The following THOC2 variants were observed in gnomAD, a reference collection of about 807,000 sequenced individuals.
THOC2 encodes the protein THO complex 2.
A neutral mutation model predicts 128.4 loss-of-function variants in THOC2; 10 were observed. The observed-to-expected ratio is 0.08, with a 90% confidence interval of 0.05 to 0.13. The LOEUF is 0.13. THOC2 is among the 10% of genes least tolerant of loss of function. The pLI is 1.00. For synonymous variants in THOC2, 393 were observed against 396.9 expected, an observed-to-expected ratio of 0.99 and a Z score of 0.12; for missense variants, 535 against 1,155.7, an observed-to-expected ratio of 0.46 and a Z score of 7.79.
rs199545735 is a variant in THOC2 at position 123,703,485 on chromosome X, G to A, written c.243C>T (p.Pro81=). ...SDISEFREDM[P]SILADVFCIL... ...TGCAGAATACATCAGCAAGAATGGAGGGCATATCCTCACGAAATTCCTAAT... is the reference window on the plus strand; with the variant it reads ...TGCAGAATACATCAGCAAGAATGGAAGGCATATCCTCACGAAATTCCTAAT... Residue 81 remains proline (P), a synonymous_variant, in exon 4 of 39, where the codon CCC becomes CCT. Coordinates refer to ENST00000245838, the MANE Select transcript of THOC2 (RefSeq NM_001081550.2). 9.0e-5 allele frequency: 106 copies of A among 1,173,430 alleles called. No homozygotes were observed. In the African/African-American group the frequency reaches 1.7e-3, roughly 19 times the overall value.
chrX:123,623,558 C>T (rs757047967), intron 28 of THOC2: 2 of 664,020 alleles, frequency 3.0e-6, no homozygotes, highest in Admixed American at 4.0e-5. Flanking sequence ...ATATTTCCTC[C>T]CAATCAAGAA....
At chrX:123,623,426 T>C in intron 28 of THOC2, 143 bp from the exon 29 acceptor site, 1 of 683,420 alleles carries the variant, frequency 1.5e-6, no homozygotes, top group Non-Finnish European at 2.1e-6. Flanking sequence ...AATAAGTTCT[T>C]GAAGGTTTTT....
chrX:123,672,795 G>C (rs909475678), intron 8 of THOC2, among the ~76,000 whole-genome samples: 1 of 111,505 alleles, frequency 9.0e-6, no homozygotes, highest in African/African-American at 3.2e-5. Flanking sequence ...AGTGAAGTGA[G>C]AATAACTGGC....
At chrX:123,623,563 C>A (rs1021289284) in intron 28 of THOC2, 9 of 694,269 alleles carry the variant, frequency 1.3e-5, no homozygotes, top group South Asian at 3.1e-5. Flanking sequence ...TCCTCCCAAT[C>A]AAGAAATATT....
rs184011568 is a variant in THOC2 at position 123,665,910 on chromosome X, A to T, written c.1191-73T>A. The T allele has an allele frequency of 6.7e-4, 378 of 564,627 alleles. 3 individuals are homozygous for T. The East Asian group carries it at 0.015, about 23-fold the overall frequency. The allele number at this position is 564,627 out of a possible 1,213,427, so 46.5% of individuals were successfully genotyped here. A position where few individuals can be genotyped will look rare whatever the true frequency, so the allele number is the denominator to read the frequency against. On this transcript the variant is annotated intron_variant, in intron 11 of 38. Transcript: ENST00000245838. ...AATAAATATAACTATATACACACAC[A>T]CTACAATATCTACCATTTTAACAAA... is the stretch of plus-strand genomic sequence containing the variant.
intron 8 of THOC2, among the ~76,000 whole-genome samples, chrX:123,681,864 A>G (rs1324623006): frequency 1.8e-5 from 2 of 112,018 alleles, no homozygotes; most frequent in Non-Finnish European, 3.8e-5. Context: ...ATTCGGGACC[A>G]GCCTGACCAA....
At chrX:123,715,481 TAAAG>T (rs2051365754) in intron 1 of THOC2, among the ~76,000 whole-genome samples, 1 of 109,034 alleles carries the variant, frequency 9.2e-6, no homozygotes, top group Non-Finnish European at 1.9e-5. Flanking sequence ...AATAGAGAAT[TAAAG>T]AAGAAAAAAA....
intron 7 of THOC2, among the ~76,000 whole-genome samples, chrX:123,692,194 G>C (rs965433681): frequency 2.7e-5 from 3 of 111,708 alleles, no homozygotes; most frequent in Non-Finnish European, 3.8e-5. Flanking sequence ...TTACCGTTTA[G>C]TTCAGCAAAC....
intron 1 of THOC2, 102 bp downstream of exon 1, chrX:123,732,850 A>T: frequency 2.2e-6 from 2 of 892,124 alleles, no homozygotes; most frequent in Non-Finnish European, 3.3e-6. Context: ...CGGGTGGGGG[A>T]GGGGGTACAT....
chrX:123,680,392 C>T (rs1489013704), intron 8 of THOC2, among the ~76,000 whole-genome samples: 1 of 111,047 alleles, frequency 9.0e-6, no homozygotes, highest in Non-Finnish European at 1.9e-5. Flanking sequence ...TGCTGACCTT[C>T]TCTCCACTAT....
intron 33 of THOC2, among the ~76,000 whole-genome samples, chrX:123,617,541 T>C (rs1172040129): frequency 9.0e-6 from 1 of 111,392 alleles, no homozygotes; most frequent in African/African-American, 3.3e-5. Flanking sequence ...TTTTAGTTCA[T>C]GTTTTGATAC....
intron 4 of THOC2, among the ~76,000 whole-genome samples, chrX:123,698,457 CA>C (rs763092017): frequency 3.6e-3 from 131 of 36,063 alleles, no homozygotes; most frequent in Middle Eastern, 0.018. Context: ...GACTCTGTCT[CA>C]AAAAAAAAAA....
At chrX:123,647,999 C>T (rs1305997645) in intron 12 of THOC2, among the ~76,000 whole-genome samples, 1 of 111,226 alleles carries the variant, frequency 9.0e-6, no homozygotes, top group South Asian at 3.9e-4. Flanking sequence ...TCAGAAATCA[C>T]GGGTTCGGTG....
At chrX:123,701,207 T>A (rs1228037699) in intron 4 of THOC2, among the ~76,000 whole-genome samples, 3 of 111,371 alleles carry the variant, frequency 2.7e-5, no homozygotes, top group Non-Finnish European at 5.7e-5. Flanking sequence ...ACAAAAAAAA[T>A]TAGCCAGGCG....
At chrX:123,658,614 ATC>A (rs1343434312) in intron 12 of THOC2, among the ~76,000 whole-genome samples, 3 of 112,662 alleles carry the variant, frequency 2.7e-5, no homozygotes, top group Non-Finnish European at 5.6e-5. Flanking sequence ...GCTACATACT[ATC>A]TGATTCCAAC....
At chrX:123,677,616 C>G (rs1321363559) in intron 8 of THOC2, among the ~76,000 whole-genome samples, 1 of 111,305 alleles carries the variant, frequency 9.0e-6, no homozygotes, top group Admixed American at 9.6e-5. Context: ...CGCCTGTAAT[C>G]CCAGCACTTT....
intron 35 of THOC2, 39 bp from the exon 36 acceptor site, chrX:123,613,595 T>A: frequency 8.3e-7 from 1 of 1,205,106 alleles, no homozygotes; most frequent in Non-Finnish European, 1.1e-6. Flanking sequence ...CCTTTTCCAA[T>A]TCACTTCGAT....
At chrX:123,608,000 G>A (rs1296909710) in intron 38 of THOC2, among the ~76,000 whole-genome samples, 3 of 110,908 alleles carry the variant, frequency 2.7e-5, no homozygotes, top group African/African-American at 9.8e-5. Flanking sequence ...TACAATCCCA[G>A]CACATTGGGA....
chrX:123,605,887 T>C (rs1046117756), intron 38 of THOC2, among the ~76,000 whole-genome samples: 4 of 110,695 alleles, frequency 3.6e-5, no homozygotes, highest in African/African-American at 1.3e-4. Flanking sequence ...AAGAACGTGA[T>C]GAAAACAAAA....
Sources: allele counts gnomAD v4.1 joint callset (sites outside exome capture counted in the v4.1 genomes callset), GRCh38; gene constraint gnomAD v4.1.1; transcripts MANE v1.5; gene names NCBI Gene and HGNC (gene_info 2026-07-23, HGNC 2026-07-21).